Variants in PARP4 observed in about 807,000 individuals in gnomAD.
PARP4 encodes poly(ADP-ribose) polymerase family member 4.
In PARP4, 120 loss-of-function variants were observed where a neutral mutation model predicts 187.7. That is an observed-to-expected ratio of 0.64 (90% CI 0.55 to 0.74). The LOEUF is 0.74. Among genes scored for constraint, PARP4 ranks in the 30% least tolerant of loss-of-function variants. The pLI, the probability that PARP4 is intolerant of heterozygous loss-of-function variation, is 0.00. For synonymous variants in PARP4, 654 were observed against 740.9 expected (o/e 0.88, Z 1.90); for missense variants, 1,836 against 2,070.5 (o/e 0.89, Z 2.20).
intron 2 of PARP4, among the ~76,000 whole-genome samples, chr13:24,502,692 G>A (rs9553324): frequency 0.13 from 19,731 of 152,278 alleles, 1,634 homozygotes; most frequent in East Asian, 0.3. Flanking sequence ...TTCTAAAAAG[G>A]AGAGACCATG....
chr13:24,494,705 A>G lies in PARP4; in HGVS notation c.609T>C (p.Ala203=). The change falls in exon 7 of 34, where the codon GCT becomes GCC. Residue 203 remains alanine (A), a synonymous_variant. Coordinates refer to ENST00000381989, the MANE Select transcript of PARP4 (RefSeq NM_006437.4). Reference sequence around the variant, plus strand: ...TTGCATCTTCAGAGGTTTTCTTTATAGCAAACTGTCTTCTAGTCTGTGAAT... The same window carrying G: ...TTGCATCTTCAGAGGTTTTCTTTATGGCAAACTGTCTTCTAGTCTGTGAAT... ...DDGMETRRQF[A]IKKTSEDASE... The G allele has an allele frequency of 6.2e-7, 1 of 1,606,376 alleles. No individual in the cohort carries two copies.
In PARP4 at chr13:24,458,149, G is replaced by T. The variant is rs961320181; in HGVS notation, c.2424+895C>A. ...TTTTGAGATGGAGTCTCGCTCTGACGCCCAGGCTGGAGTGCAGTGGCGCAA... is the reference window on the plus strand; with the variant it reads ...TTTTGAGATGGAGTCTCGCTCTGACTCCCAGGCTGGAGTGCAGTGGCGCAA... On this transcript the variant is annotated intron_variant, in intron 20 of 33. Coordinates refer to ENST00000381989, the MANE Select transcript of PARP4 (RefSeq NM_006437.4). Among the ~76,000 whole-genome samples, 6 of 146,640 alleles carry T rather than the reference G, an allele frequency of 4.1e-5. No homozygotes were observed. The Admixed American group carries it at 4.1e-4, about 10-fold the overall frequency.
Position 24,429,538 on chromosome 13 carries a change from A to C in PARP4, c.4846+1839T>G, listed in dbSNP as rs545440559. On this transcript the variant is annotated intron_variant, in intron 32 of 33. Coordinates refer to ENST00000381989, the MANE Select transcript of PARP4 (RefSeq NM_006437.4). ...GATGGGTCTATTTTGGCTTATCCCT[A>C]TGTCCTGGGGTATAGTCCTTGATCA... Among the ~76,000 whole-genome samples, 4 of 152,260 alleles carry C rather than the reference A, an allele frequency of 2.6e-5. No individual in the cohort carries two copies. In the South Asian group the frequency reaches 8.3e-4, roughly 32 times the overall value.
chr13:24,483,906 C>A (rs1397030932), intron 12 of PARP4, among the ~76,000 whole-genome samples: 1 of 152,214 alleles, frequency 6.6e-6, no homozygotes, highest in Non-Finnish European at 1.5e-5. Context: ...GGATTACAGG[C>A]ATGAGCTACT....
At chr13:24,511,421 G>A (rs899944913) in intron 1 of PARP4, among the ~76,000 whole-genome samples, 4 of 152,194 alleles carry the variant, frequency 2.6e-5, no homozygotes, top group Admixed American at 2.6e-4. Context: ...AATCTGCACA[G>A]TCACTCCAGC....
rs377421982 is a variant in PARP4, at chr13:24,435,238, T to C, written c.3903A>G (p.Leu1301=). 3.7e-6 allele frequency: 6 copies of C among 1,613,962 alleles called. No homozygotes were observed. Among genetic ancestry groups the C allele is most frequent in the South Asian group, 1.1e-5 (1 of 91,080 alleles). The change falls in exon 31 of 34, where the codon CTA becomes CTG. Residue 1301 remains leucine, a synonymous_variant. Transcript: ENST00000381989. ...TTTCCCATGGACTGACTTTCTTAAA[T>C]AGTGGTTCAGTTGCTGTTGGTTTAC... ...ESCKPTATEP[L]FKKVSPWETS... is the part of the protein sequence containing the mutation.
rs762544989 is a variant in PARP4, at chr13:24,493,741, A to C, written c.742-8T>G. On this transcript the variant is annotated splice_polypyrimidine_tract_variant and splice_region_variant and intron_variant, in intron 7 of 33. Coordinates refer to ENST00000381989, the MANE Select transcript of PARP4 (RefSeq NM_006437.4). ...GACTTCCTCCAAAAGCAACTACAAT[A>C]ATAAAATAGAAATGCCACCAAAAAG... 6.2e-6 allele frequency: 10 copies of C among 1,612,930 alleles called. No individual in the cohort carries two copies. The Middle Eastern group carries it at 6.6e-4, about 107-fold the overall frequency.
At chr13:24,461,610 G>A (rs374867197) in intron 17 of PARP4, among the ~76,000 whole-genome samples, 5 of 152,238 alleles carry the variant, frequency 3.3e-5, no homozygotes, top group East Asian at 1.9e-4. Flanking sequence ...TCTTGCAGGC[G>A]TTTCCCCATA....
chr13:24,454,441 C>A (rs1370719490), intron 22 of PARP4, among the ~76,000 whole-genome samples: 1 of 152,184 alleles, frequency 6.6e-6, no homozygotes, highest in South Asian at 2.1e-4. Flanking sequence ...CACCTCTCAT[C>A]CCTGAGGTGC....
chr13:24,473,087 C>A (rs566139152), intron 15 of PARP4, among the ~76,000 whole-genome samples: 2 of 151,980 alleles, frequency 1.3e-5, no homozygotes, highest in Non-Finnish European at 2.9e-5. Flanking sequence ...TACGCCACTG[C>A]GCTCAGCCAA....
At chr13:24,502,002 T>C (rs540552296) in intron 2 of PARP4, among the ~76,000 whole-genome samples, 168 bp from the exon 3 acceptor site, 1 of 152,346 alleles carries the variant, frequency 6.6e-6, no homozygotes, top group South Asian at 2.1e-4. Context: ...TACATAAACA[T>C]TTTAAAAATC....
chr13:24,490,774 GTGGGT>G lies in PARP4; in HGVS notation c.1103_1107del (p.Asn368ThrfsTer14), dbSNP rs1195851563. 1 of 1,613,894 alleles carries G rather than the reference GTGGGT, an allele frequency of 6.2e-7. No individual in the cohort carries two copies. The highest frequency in any genetic ancestry group is 8.5e-7 in the Non-Finnish European group (1 of 1,179,926). On this transcript the variant is annotated frameshift_variant, in exon 10 of 34. Coordinates refer to ENST00000381989, the MANE Select transcript of PARP4 (RefSeq NM_006437.4). LOFTEE classifies it high-confidence loss of function. ...AAAGCTCGGTATTTGGCCAGGGATG[GTGGGT>G]TGGGTTTGGACAAATTAGTTTCACA...
At position 24,456,493 on chromosome 13, in the gene PARP4, C is replaced by A; in HGVS notation, c.2425-15G>T. The stretch of plus-strand genomic sequence containing the variant: ...CAGTCTGTGCGCTGCAAAACAAACA[C>A]CGCGACAACAAGGTGAGTAATGGAG... On this transcript the variant is annotated splice_polypyrimidine_tract_variant and intron_variant, in intron 20 of 33. Transcript: ENST00000381989. 6.3e-7 allele frequency: 1 copy of A among 1,580,672 alleles called. No individual in the cohort carries two copies. The highest frequency in any genetic ancestry group is 8.7e-7 in the Non-Finnish European group (1 of 1,154,994).
At chr13:24,458,235 G>C (rs12876964) in intron 20 of PARP4, among the ~76,000 whole-genome samples, 4,779 of 151,288 alleles carry the variant, frequency 0.032, 117 homozygotes, top group Non-Finnish European at 0.052. Context: ...TCAGCCTCCC[G>C]AGTAGCTGGG....
chr13:24,432,027 G>A (rs982040788), intron 31 of PARP4, among the ~76,000 whole-genome samples: 2 of 152,096 alleles, frequency 1.3e-5, no homozygotes, highest in African/African-American at 2.4e-5. Flanking sequence ...ATACCCGGCC[G>A]AGATTTTTTT....
At chr13:24,445,657 T>C (rs1356966108) in intron 27 of PARP4, among the ~76,000 whole-genome samples, 1 of 152,256 alleles carries the variant, frequency 6.6e-6, no homozygotes, top group Non-Finnish European at 1.5e-5. Context: ...TCGTATCCTT[T>C]ATAATATTCT....
intron 9 of PARP4, among the ~76,000 whole-genome samples, chr13:24,491,653 C>A (rs948328232): frequency 1.3e-5 from 2 of 152,186 alleles, no homozygotes; most frequent in African/African-American, 2.4e-5. Flanking sequence ...TGAGGGAACA[C>A]GGACCAAGAG....
intron 24 of PARP4, chr13:24,452,049 T>C (rs1213722988): frequency 5.8e-6 from 1 of 171,514 alleles, no homozygotes; most frequent in Non-Finnish European, 1.2e-5. Flanking sequence ...TGGATTCTTA[T>C]GCTAAATAAT....
Position 24,448,730 on chromosome 13 carries a change from T to C in PARP4, c.3114+988A>G, listed in dbSNP as rs140209352. On this transcript the variant is annotated intron_variant, in intron 25 of 33. Coordinates refer to ENST00000381989, the MANE Select transcript of PARP4 (RefSeq NM_006437.4). ...CAGAAACAACCCAAGTGTCCACCGA[T>C]AGATGAATGGATAAGCAAAACGTGG... Among the ~76,000 whole-genome samples the C allele has an allele frequency of 4.8e-3, 724 of 152,304 alleles. 12 individuals are homozygous for C. Among genetic ancestry groups the C allele is most frequent in the African/African-American group, 0.016 (673 of 41,576 alleles).
Sources: gnomAD v4.1 joint callset for allele counts (sites outside exome capture counted in the v4.1 genomes callset) on GRCh38, gnomAD v4.1.1 for gene constraint, MANE v1.5 for transcripts, NCBI Gene and HGNC (gene_info 2026-07-23, HGNC 2026-07-21) for gene names.